The following CDH26 variants were observed in gnomAD, a reference collection of about 807,000 sequenced individuals.
The protein encoded by CDH26 is cadherin 26.
In CDH26, 83 loss-of-function variants were observed where a neutral mutation model predicts 90.3. The observed-to-expected ratio is 0.92, with a 90% CI of 0.77 to 1.10. The LOEUF is 1.10. CDH26 is among the 50% of genes least tolerant of loss of function. CDH26 has a pLI of 0.00. For synonymous variants in CDH26, 397 were observed against 396.3 expected, an observed-to-expected ratio of 1.00 and a Z score of -0.02; for missense variants, 1,013 against 1,037.6, an observed-to-expected ratio of 0.98 and a Z score of 0.33.
chr20:60,015,108 C>T (rs1417584362), downstream of CDH26, among the ~76,000 whole-genome samples: 1 of 152,220 alleles, frequency 6.6e-6, no homozygotes, highest in Non-Finnish European at 1.5e-5. Flanking sequence ...TCTCAGCCTC[C>T]CAAGTAGCTG....
At chr20:59,961,536 C>T (rs958088285) in intron 1 of CDH26, among the ~76,000 whole-genome samples, 3 of 152,148 alleles carry the variant, frequency 2.0e-5, no homozygotes, top group Non-Finnish European at 4.4e-5. Flanking sequence ...TACATCCCCG[C>T]CCCCTGAATT....
chr20:59,966,231 T>TAAAAAAAAAAAA lies in CDH26; in HGVS notation c.70-2721_70-2710dup, dbSNP rs60088029. Among the ~76,000 whole-genome samples, 13 of 76,266 alleles carry TAAAAAAAAAAAA rather than the reference T, an allele frequency of 1.7e-4. 1 individual carries two copies. Among genetic ancestry groups the TAAAAAAAAAAAA allele is most frequent in the African/African-American group, 8.2e-4 (13 of 15,908 alleles). The allele number at this position is 76,266 out of a possible 152,430, so 50.0% of individuals were successfully genotyped here. On this transcript the variant is annotated intron_variant, in intron 1 of 17. Coordinates refer to ENST00000348616, the MANE Select transcript of CDH26 (RefSeq NM_177980.4). ...TCTTTCAAGTAAAATGGTGTTGCAT[T>TAAAAAAAAAAAA]AAAAAAAAAAAAAAAAAAAAAAAAA...
intron 16 of CDH26, among the ~76,000 whole-genome samples, chr20:60,003,918 GTCTACC>G (rs1306575289): frequency 6.6e-6 from 1 of 152,294 alleles, no homozygotes; most frequent in Middle Eastern, 3.4e-3. Context: ...ATCACCCCAA[GTCTACC>G]TCGGGAAGGA....
intron 3 of CDH26, among the ~76,000 whole-genome samples, chr20:59,971,406 G>C (rs1430376543): frequency 6.6e-6 from 1 of 152,302 alleles, no homozygotes; most frequent in Non-Finnish European, 1.5e-5. Flanking sequence ...GATTAAATAG[G>C]TTAAGGCAAG....
chr20:60,030,780 T>A lies in CDH26; in HGVS notation c.948-451T>A, dbSNP rs1005784386. 2.0e-5 allele frequency among the ~76,000 whole-genome samples: 3 copies of A among 151,908 alleles called. No individual in the cohort carries two copies. Among genetic ancestry groups the A allele is most frequent in the Non-Finnish European group, 4.4e-5 (3 of 67,982 alleles). On this transcript the variant is annotated intron_variant, in intron 7 of 8. Coordinates refer to the CDH26 transcript ENST00000370991. This position sits in a 1 kb window ranked among gnomAD's most constrained non-coding sequence, Gnocchi z 4.0. ...GTGAGCTGAGAGGGAGTGGAGTGGGTTCTAATGACATTGCTTAAGTCCTGC... is the reference window on the plus strand; with the variant it reads ...GTGAGCTGAGAGGGAGTGGAGTGGGATCTAATGACATTGCTTAAGTCCTGC...
intron 13 of CDH26, 129 bp downstream of exon 13, chr20:59,996,890 G>A: frequency 8.1e-7 from 1 of 1,232,794 alleles, no homozygotes. Flanking sequence ...AGTAGCAAGT[G>A]GGAAAAAATT....
At chr20:60,019,098 A>T (rs2061932057), downstream of CDH26, among the ~76,000 whole-genome samples, 5 of 152,056 alleles carry the variant, frequency 3.3e-5, no homozygotes, top group South Asian at 1.0e-3. Flanking sequence ...TGGGGATTCC[A>T]TTATATGTGA....
intron 4 of CDH26, among the ~76,000 whole-genome samples, chr20:59,977,291 G>A (rs1294512059): frequency 6.6e-6 from 1 of 152,134 alleles, no homozygotes; most frequent in African/African-American, 2.4e-5. Flanking sequence ...CCAGTGGTCT[G>A]ACTGCAGAAC....
chr20:59,970,128 T>G lies in CDH26; in HGVS notation c.173T>G (p.Ile58Ser). ...CGGCGATCCAAGAGAAGATGGGTTATCACCACCTTGGAGCTGGAGGAGGAA... is the reference window on the plus strand; with the variant it reads ...CGGCGATCCAAGAGAAGATGGGTTAGCACCACCTTGGAGCTGGAGGAGGAA... ...PLRRSKRRWV[I>S]TTLELEEEDP... is the part of the protein sequence containing the mutation. Residue 58 changes from isoleucine to serine, a missense_variant, in exon 3 of 18, where the codon ATC becomes AGC. By Grantham distance (142) the Ile-to-Ser change is moderately radical. Transcript: ENST00000348616. The G allele has an allele frequency of 6.2e-7, 1 of 1,614,114 alleles. No individual in the cohort carries two copies. The highest frequency in any genetic ancestry group is 1.3e-5 in the African/African-American group (1 of 75,040).
intron 5 of CDH26, among the ~76,000 whole-genome samples, chr20:59,983,891 C>T (rs1267188208): frequency 7.9e-5 from 12 of 152,228 alleles, no homozygotes. Flanking sequence ...CTAAAATACC[C>T]TGTTGTGTAA....
downstream of CDH26, among the ~76,000 whole-genome samples, chr20:60,034,997 T>C (rs1487543752): frequency 6.6e-6 from 1 of 152,242 alleles, no homozygotes. Flanking sequence ...TTATGGTTCA[T>C]AGTATCTTCT....
intron 1 of CDH26, among the ~76,000 whole-genome samples, chr20:59,959,480 C>T (rs1378088536): frequency 2.6e-5 from 4 of 151,874 alleles, no homozygotes; most frequent in African/African-American, 9.7e-5. Flanking sequence ...CAGTGCACCG[C>T]AACCTCCTCC....
intron 11 of CDH26, among the ~76,000 whole-genome samples, chr20:59,995,569 A>G (rs890862914): frequency 6.6e-6 from 1 of 152,210 alleles, no homozygotes; most frequent in Non-Finnish European, 1.5e-5. Context: ...TTCCCTGTAA[A>G]AAACGGCACC....
intron 14 of CDH26, 70 bp from the exon 15 acceptor site, chr20:60,001,273 G>C: frequency 6.3e-7 from 1 of 1,588,118 alleles, no homozygotes; most frequent in Non-Finnish European, 8.6e-7. Context: ...GAGAGGTCAC[G>C]CATGCCCACT....
intron 7 of CDH26, among the ~76,000 whole-genome samples, chr20:60,026,037 A>G (rs2061994062): frequency 6.6e-6 from 1 of 152,178 alleles, no homozygotes; most frequent in Non-Finnish European, 1.5e-5. Context: ...GCCAGGCACC[A>G]GGCCTCACTG....
intron 1 of CDH26, among the ~76,000 whole-genome samples, chr20:59,965,244 T>A (rs1036376563): frequency 4.6e-5 from 7 of 152,150 alleles, no homozygotes; most frequent in Non-Finnish European, 1.0e-4. Flanking sequence ...CATGGCCTCT[T>A]GTATTGTAAT....
At chr20:59,961,324 G>A (rs1453851694) in intron 1 of CDH26, among the ~76,000 whole-genome samples, 2 of 152,204 alleles carry the variant, frequency 1.3e-5, no homozygotes, top group Non-Finnish European at 2.9e-5. Context: ...GAATGGGTCT[G>A]TGGATTGTAC....
At chr20:59,960,690 C>G (rs757636710) in intron 1 of CDH26, among the ~76,000 whole-genome samples, 1 of 151,956 alleles carries the variant, frequency 6.6e-6, no homozygotes, top group Non-Finnish European at 1.5e-5. Flanking sequence ...TCATTTTTTC[C>G]TTTGAAAACC....
rs774134470 is a variant in CDH26, at chr20:59,983,062, A to C, written c.533A>C (p.Gln178Pro). ...TTTAACATCACTGTGCAAGAAAACC[A>C]ATCTGCAGGTGTGTGCGGCTGGGGG... ...KEFNITVQEN[Q>P]SAGQPIFQML... Residue 178 changes from glutamine to proline, a missense_variant, in exon 5 of 18, where the codon CAA (glutamine) becomes CCA (proline). By Grantham distance (76) the Gln-to-Pro change is moderately conservative. Transcript: ENST00000348616. 3.1e-6 allele frequency: 5 copies of C among 1,614,050 alleles called. No homozygotes were observed. The South Asian group carries it at 5.5e-5, about 18-fold the overall frequency.
Sources: gnomAD v4.1 joint callset for allele counts (sites outside exome capture counted in the v4.1 genomes callset) on GRCh38, gnomAD v4.1.1 for gene constraint, Gnocchi (gnomAD v3.1) non-coding constraint, MANE v1.5 for transcripts, NCBI Gene and HGNC (gene_info 2026-07-23, HGNC 2026-07-21) for gene names.